SGCD: variants seen among roughly 807,000 people sequenced by gnomAD.
SGCD encodes delta-sarcoglycan.
SGCD carries 18 observed loss-of-function variants against 36.6 expected under a neutral mutation model. The observed-to-expected ratio is 0.49, with a 90% confidence interval of 0.34 to 0.73. The LOEUF is 0.73. Ranked by LOEUF, SGCD falls within the 30% of genes least tolerant of loss-of-function variation. The pLI is 0.01. For missense variants in SGCD, 387 were observed against 346.7 expected, an observed-to-expected ratio of 1.12 and a Z score of -0.92; for synonymous variants, 133 against 130.6, an observed-to-expected ratio of 1.02 and a Z score of -0.12.
intron 3 of SGCD, among the ~76,000 whole-genome samples, chr5:156,178,230 G>T (rs1005599873): frequency 6.6e-6 from 1 of 152,086 alleles, no homozygotes; most frequent in African/African-American, 2.4e-5. Context: ...ATCATAAGTT[G>T]AATCATTATA....
intron 3 of SGCD, among the ~76,000 whole-genome samples, chr5:156,393,194 T>C (rs982495270): frequency 6.6e-6 from 1 of 152,182 alleles, no homozygotes; most frequent in Non-Finnish European, 1.5e-5. Flanking sequence ...ACGGACATGC[T>C]TGAATAAATG....
chr5:156,454,079 A>G (rs1561706212), intron 3 of SGCD, among the ~76,000 whole-genome samples: 1 of 152,160 alleles, frequency 6.6e-6, no homozygotes, highest in Non-Finnish European at 1.5e-5. Flanking sequence ...TGCATTGCAT[A>G]CTTTTTTAAA....
chr5:156,479,575 G>A (rs1318608351), intron 3 of SGCD, among the ~76,000 whole-genome samples: 1 of 152,126 alleles, frequency 6.6e-6, no homozygotes, highest in African/African-American at 2.4e-5. Context: ...CTAAGACCTA[G>A]GGAGTATTCA....
chr5:156,724,157 C>T (rs1429944098), intron 7 of SGCD, among the ~76,000 whole-genome samples: 1 of 152,098 alleles, frequency 6.6e-6, no homozygotes, highest in African/African-American at 2.4e-5. Flanking sequence ...TCTGGCCAGG[C>T]CTGTCATGTG....
At chr5:156,485,857 G>A (rs1226669047) in intron 3 of SGCD, among the ~76,000 whole-genome samples, 2 of 152,100 alleles carry the variant, frequency 1.3e-5, no homozygotes, top group Admixed American at 6.5e-5. Context: ...GCTGAGATCA[G>A]TTCAGAGCCA....
chr5:155,780,556 G>T, the SGCD span, among the ~76,000 whole-genome samples: 1 of 152,102 alleles, frequency 6.6e-6, no homozygotes, highest in Non-Finnish European at 1.5e-5. Context: ...AGAATTACTT[G>T]TCTTGCTGCT....
intron 1 of SGCD, among the ~76,000 whole-genome samples, chr5:156,092,446 T>C (rs1365153294): frequency 6.6e-6 from 1 of 152,236 alleles, no homozygotes. Context: ...GTCATCTACA[T>C]ATCATAGCAG....
intron 6 of SGCD, among the ~76,000 whole-genome samples, chr5:156,608,745 A>G (rs1420500415): frequency 6.6e-6 from 1 of 152,206 alleles, no homozygotes; most frequent in African/African-American, 2.4e-5. Flanking sequence ...GGGTGCCTAT[A>G]TATTTAGGAT....
At chr5:155,954,339 A>G (rs767296779) in intron 1 of SGCD, among the ~76,000 whole-genome samples, 3 of 152,194 alleles carry the variant, frequency 2.0e-5, no homozygotes, top group African/African-American at 7.2e-5. Flanking sequence ...CGACTGAATT[A>G]ATTGCAGAAG....
intron 7 of SGCD, among the ~76,000 whole-genome samples, chr5:156,703,587 T>C (rs1328019293): frequency 6.6e-6 from 1 of 152,166 alleles, no homozygotes; most frequent in Non-Finnish European, 1.5e-5. Context: ...TTTTATACCA[T>C]GCTAGGCAAC....
rs539448716 is a variant in SGCD at position 156,684,795 on chromosome 5, T to G, written c.575+37259T>G. 1.0e-3 allele frequency among the ~76,000 whole-genome samples: 155 copies of G among 152,184 alleles called. 1 individual carries two copies. The highest frequency in any genetic ancestry group is 1.2e-3 in the Non-Finnish European group (82 of 68,040). ...ATGTCAAGCCTCAAAGAATTAGGAA[T>G]GCTTCTAAAGAAATAGGAAGGTTAT... On this transcript the variant is annotated intron_variant, in intron 7 of 8. Transcript: ENST00000337851.
intron 1 of SGCD, among the ~76,000 whole-genome samples, chr5:156,033,236 A>G (rs1458090505): frequency 6.6e-6 from 1 of 152,210 alleles, no homozygotes; most frequent in African/African-American, 2.4e-5. Context: ...AAATCTAACA[A>G]TTAAAAAAAT....
chr5:155,835,970 A>G, the SGCD span, among the ~76,000 whole-genome samples: 1 of 152,116 alleles, frequency 6.6e-6, no homozygotes, highest in Non-Finnish European at 1.5e-5. Context: ...AGGAAAACAT[A>G]TGGTATATAT....
intron 1 of SGCD, among the ~76,000 whole-genome samples, chr5:155,878,848 C>T (rs1755818528): frequency 6.6e-6 from 1 of 152,076 alleles, no homozygotes; most frequent in African/African-American, 2.4e-5. Flanking sequence ...AGGCAAGAAA[C>T]AAATTCAATA....
At chr5:156,695,625 G>T (rs910444718) in intron 7 of SGCD, among the ~76,000 whole-genome samples, 1 of 152,088 alleles carries the variant, frequency 6.6e-6, no homozygotes, top group African/African-American at 2.4e-5. Flanking sequence ...GTATGCATGT[G>T]GTGTGGGTGT....
intron 3 of SGCD, among the ~76,000 whole-genome samples, chr5:156,495,308 T>C (rs1756134322): frequency 1.3e-5 from 2 of 152,130 alleles, no homozygotes; most frequent in East Asian, 1.9e-4. Flanking sequence ...AATTTGGACA[T>C]TATAACTTGA....
intron 3 of SGCD, among the ~76,000 whole-genome samples, chr5:156,191,588 A>G (rs1227078101): frequency 6.6e-6 from 1 of 152,136 alleles, no homozygotes; most frequent in African/African-American, 2.4e-5. Flanking sequence ...CCTTCCCCCT[A>G]CTACTTATTT....
At chr5:156,460,457 A>AAAGG (rs1452224596) in intron 3 of SGCD, among the ~76,000 whole-genome samples, 1 of 152,194 alleles carries the variant, frequency 6.6e-6, no homozygotes, top group Non-Finnish European at 1.5e-5. Flanking sequence ...TAGAATTCAT[A>AAAGG]AAGGAAATGG....
At chr5:156,607,039 C>T (rs1440532734) in intron 6 of SGCD, among the ~76,000 whole-genome samples, 1 of 152,178 alleles carries the variant, frequency 6.6e-6, no homozygotes, top group Non-Finnish European at 1.5e-5. Flanking sequence ...CTCTTTGCTT[C>T]CTTCTCCTGC....
Sources: gnomAD v4.1 joint callset for allele counts (sites outside exome capture counted in the v4.1 genomes callset) on GRCh38, gnomAD v4.1.1 for gene constraint, MANE v1.5 for transcripts, NCBI Gene and HGNC (gene_info 2026-07-23, HGNC 2026-07-21) for gene names.